Variants in HTR1F observed in about 807,000 individuals in gnomAD.
HTR1F encodes 5-hydroxytryptamine receptor 1F.
Under a neutral mutation model 24.0 loss-of-function variants are expected in HTR1F, and 17 were observed. The observed-to-expected ratio is 0.71, with a 90% CI of 0.48 to 1.06. HTR1F has a LOEUF of 1.06. Among genes scored for constraint, HTR1F ranks in the 50% least tolerant of loss-of-function variants. The pLI is 0.00. For synonymous variants in HTR1F, 186 were observed against 156.8 expected, an observed-to-expected ratio of 1.19 and a Z score of -1.39; for missense variants, 391 against 427.8, an observed-to-expected ratio of 0.91 and a Z score of 0.76.
intron 2 of HTR1F, among the ~76,000 whole-genome samples, chr3:87,867,438 A>C: frequency 6.6e-6 from 1 of 151,728 alleles, no homozygotes; most frequent in Middle Eastern, 3.4e-3. Context: ...AAATGGGGGG[A>C]AAAAACAAGA....
At chr3:87,956,684 C>A (rs773990443) in intron 2 of HTR1F, among the ~76,000 whole-genome samples, 10 of 151,272 alleles carry the variant, frequency 6.6e-5, no homozygotes, top group Non-Finnish European at 1.3e-4. Flanking sequence ...ATTTTCAGAG[C>A]AGATGGTTTG....
intron 1 of HTR1F, among the ~76,000 whole-genome samples, chr3:87,796,299 A>G (rs1310404905): frequency 6.6e-6 from 1 of 152,168 alleles, no homozygotes; most frequent in Non-Finnish European, 1.5e-5. Context: ...AGCAACAGGA[A>G]AAAATGCAGT....
At chr3:87,819,938 G>A (rs1352114226) in intron 1 of HTR1F, among the ~76,000 whole-genome samples, 1 of 151,714 alleles carries the variant, frequency 6.6e-6, no homozygotes, top group African/African-American at 2.4e-5. Context: ...AAAATTATTG[G>A]GCCAGTTTTC....
At chr3:87,919,493 C>T (rs1703965221) in intron 2 of HTR1F, among the ~76,000 whole-genome samples, 1 of 151,940 alleles carries the variant, frequency 6.6e-6, no homozygotes, top group African/African-American at 2.4e-5. Flanking sequence ...GGGCTAACAT[C>T]CAGAATCTAC....
At chr3:87,976,864 A>G (rs1195427158) in intron 2 of HTR1F, among the ~76,000 whole-genome samples, 2 of 152,350 alleles carry the variant, frequency 1.3e-5, no homozygotes, top group Admixed American at 6.5e-5. Flanking sequence ...AACCACTTAC[A>G]TAATACATTA....
chr3:87,934,049 T>C (rs896167421), intron 2 of HTR1F, among the ~76,000 whole-genome samples: 2 of 152,220 alleles, frequency 1.3e-5, no homozygotes, highest in Non-Finnish European at 2.9e-5. Flanking sequence ...TCATAATATC[T>C]GGTTCGTCTT....
intron 2 of HTR1F, among the ~76,000 whole-genome samples, chr3:87,926,193 T>C (rs1406464106): frequency 2.6e-5 from 4 of 152,198 alleles, no homozygotes; most frequent in Non-Finnish European, 5.9e-5. Context: ...TATTAATAAG[T>C]CTTCTACCTT....
chr3:87,839,538 G>C (rs918372454), intron 2 of HTR1F, among the ~76,000 whole-genome samples: 1 of 151,800 alleles, frequency 6.6e-6, no homozygotes. Flanking sequence ...TGATGATTTG[G>C]GGTCTTTTGT....
intron 1 of HTR1F, among the ~76,000 whole-genome samples, chr3:87,808,374 T>A (rs191787593): frequency 2.4e-4 from 36 of 152,116 alleles, no homozygotes; most frequent in African/African-American, 7.9e-4. Flanking sequence ...AATTTATCTG[T>A]TTCCTCTAGG....
chr3:87,941,296 G>A (rs1704561668), intron 2 of HTR1F, among the ~76,000 whole-genome samples: 1 of 152,208 alleles, frequency 6.6e-6, no homozygotes, highest in African/African-American at 2.4e-5. Context: ...GTAATGCCAA[G>A]GAACCCTCTT....
At chr3:87,793,075 G>T (rs1283686738) in intron 1 of HTR1F, 2 of 152,576 alleles carry the variant, frequency 1.3e-5, no homozygotes, top group African/African-American at 4.8e-5. Flanking sequence ...CTCCCTGGGG[G>T]CGAAGTTCTG....
Position 87,991,793 on chromosome 3 carries a change from A to T in HTR1F, c.1044A>T (p.Thr348=), listed in dbSNP as rs1705840999. 13 of 1,605,700 alleles carry T rather than the reference A, an allele frequency of 8.1e-6. No homozygotes were observed. Among genetic ancestry groups the T allele is most frequent in the Non-Finnish European group, 1.1e-5 (13 of 1,176,736 alleles). Residue 348 remains threonine (T), a synonymous_variant, in exon 3 of 3, where the codon ACA becomes ACT. Transcript: ENST00000319595. ...CCCTTATAAATCCACTGATTTACAC[A>T]ATCTTTAATGAAGACTTCAAGAAAG... ...LNSLINPLIY[T]IFNEDFKKAF...
At chr3:87,839,058 T>C (rs1408119895) in intron 2 of HTR1F, among the ~76,000 whole-genome samples, 2 of 151,490 alleles carry the variant, frequency 1.3e-5, no homozygotes, top group Non-Finnish European at 2.9e-5. Flanking sequence ...GCCTTTTAGT[T>C]TGATTTAATC....
At chr3:87,800,767 G>T (rs1703978122) in intron 1 of HTR1F, among the ~76,000 whole-genome samples, 1 of 152,134 alleles carries the variant, frequency 6.6e-6, no homozygotes, top group Non-Finnish European at 1.5e-5. Flanking sequence ...GAGTAGGAGT[G>T]ATTTTCTGGA....
rs146365889 is a variant in HTR1F at position 87,958,005 on chromosome 3, A to G, written c.-42-32703A>G. ...TAAAACCATAGGTCACTGATTTATA[A>G]TATAAAAATAAGCTCTAAATCCCCT... On this transcript the variant is annotated intron_variant, in intron 2 of 2. Transcript: ENST00000319595. Among the ~76,000 whole-genome samples the G allele has an allele frequency of 7.2e-3, 1,094 of 151,440 alleles. 13 individuals are homozygous for G. Among genetic ancestry groups the G allele is most frequent in the African/African-American group, 0.025 (1,026 of 41,440 alleles).
rs187021593 is a variant in HTR1F, at chr3:87,947,130, T to C, written c.-42-43578T>C. ...CTTATTAAAAGAAAACATTTTAAAC[T>C]CAGCAATTTGTAGTGTTTTAACATA... is the stretch of plus-strand genomic sequence containing the variant. On this transcript the variant is annotated intron_variant, in intron 2 of 2. Coordinates refer to ENST00000319595, the MANE Select transcript of HTR1F (RefSeq NM_001322209.2). Among the ~76,000 whole-genome samples, 6 of 152,356 alleles carry C rather than the reference T, an allele frequency of 3.9e-5. No individual in the cohort carries two copies. In the East Asian group the frequency reaches 9.6e-4, roughly 24 times the overall value.
At chr3:87,801,731 G>T (rs2107068104) in intron 1 of HTR1F, among the ~76,000 whole-genome samples, 1 of 152,260 alleles carries the variant, frequency 6.6e-6, no homozygotes, top group African/African-American at 2.4e-5. Context: ...GGGGAGGCAG[G>T]TTTGCCCTAA....
intron 2 of HTR1F, among the ~76,000 whole-genome samples, chr3:87,847,917 A>G (rs1230325738): frequency 6.6e-6 from 1 of 151,874 alleles, no homozygotes; most frequent in Admixed American, 6.6e-5. Context: ...TATATACCAC[A>G]TTTTAAATGC....
chr3:87,817,105 A>G (rs1423487773), intron 1 of HTR1F, among the ~76,000 whole-genome samples: 2 of 152,164 alleles, frequency 1.3e-5, no homozygotes, highest in Non-Finnish European at 2.9e-5. Context: ...GTGCACACAC[A>G]AGATATCCCA....
Sources: gnomAD v4.1 joint callset for allele counts (sites outside exome capture counted in the v4.1 genomes callset) on GRCh38, gnomAD v4.1.1 for gene constraint, MANE v1.5 for transcripts, NCBI Gene and HGNC (gene_info 2026-07-23, HGNC 2026-07-21) for gene names.